THAP4: variants seen among roughly 807,000 people sequenced by gnomAD.
THAP4 encodes the protein peroxynitrite isomerase THAP4.
THAP4 carries 18 observed loss-of-function variants against 48.1 expected under a neutral mutation model. The observed-to-expected ratio is 0.37, with a 90% CI of 0.26 to 0.56. THAP4 has a LOEUF of 0.56. Among genes scored for constraint, THAP4 ranks in the 20% least tolerant of loss-of-function variants. The probability of loss-of-function intolerance (pLI) is 0.78; values close to 1 mark genes in which losing one functional copy is unlikely to be tolerated. For missense variants in THAP4, 656 were observed against 774.9 expected (o/e 0.85, Z 1.82); for synonymous variants, 345 against 324.9 (o/e 1.06, Z -0.66).
At chr2:241,624,180 C>T (rs993095374) in intron 2 of THAP4, among the ~76,000 whole-genome samples, 24 of 152,168 alleles carry the variant, frequency 1.6e-4, no homozygotes, top group African/African-American at 5.6e-4. Flanking sequence ...CAATTTATTA[C>T]AAAGGATATT....
chr2:241,587,855 C>T (rs1397596820), intron 5 of THAP4, among the ~76,000 whole-genome samples: 1 of 151,714 alleles, frequency 6.6e-6, no homozygotes, highest in African/African-American at 2.4e-5. Context: ...GTGGGGGTTG[C>T]AGTGAGCCAA....
Position 241,634,093 on chromosome 2 carries a change from G to A in THAP4, c.78-14C>T. Reference sequence around the variant, plus strand: ...TTTAGGGGGAACCTACAGGACAAATGACAAAAAGTAATTAGAAATAATTAA... The same window carrying A: ...TTTAGGGGGAACCTACAGGACAAATAACAAAAAGTAATTAGAAATAATTAA... On this transcript the variant is annotated splice_polypyrimidine_tract_variant and intron_variant, in intron 1 of 5. Transcript: ENST00000407315. The A allele has an allele frequency of 1.3e-6, 2 of 1,506,082 alleles. No individual in the cohort carries two copies. The highest frequency in any genetic ancestry group is 2.6e-5 in the South Asian group (2 of 76,940). 93.3% of individuals were successfully genotyped at this position (1,506,082 alleles called of 1,614,324 possible).
intron 2 of THAP4, among the ~76,000 whole-genome samples, chr2:241,625,730 G>A (rs1338902702): frequency 7.1e-6 from 1 of 140,568 alleles, no homozygotes; most frequent in East Asian, 2.1e-4. Context: ...CCCGGGAGGT[G>A]GTTTTTGCAG....
intron 2 of THAP4, among the ~76,000 whole-genome samples, chr2:241,626,092 C>A (rs2067493495): frequency 6.6e-6 from 1 of 152,130 alleles, no homozygotes; most frequent in Non-Finnish European, 1.5e-5. Flanking sequence ...ACATCCCATT[C>A]ATGATAACAG....
intron 5 of THAP4, among the ~76,000 whole-genome samples, chr2:241,593,243 T>TA (rs1271099816): frequency 2.6e-5 from 4 of 151,402 alleles, no homozygotes; most frequent in Non-Finnish European, 1.5e-5. Context: ...AGGCTCTGTC[T>TA]AAAAAAAAGT....
Position 241,612,447 on chromosome 2 carries a change from C to T in THAP4, c.1241-5974G>A, listed in dbSNP as rs763228556. On this transcript the variant is annotated intron_variant, in intron 2 of 5. Transcript: ENST00000407315. The surrounding 1 kb of genome is among the most constrained non-coding windows in gnomAD (Gnocchi z 4.1). ...ACATGCACTCCCAGCAGAAATGACA[C>T]ACCTGTCCCCACAGGACGCTGCCCA... Among the ~76,000 whole-genome samples the T allele has an allele frequency of 2.0e-5, 3 of 152,198 alleles. No homozygotes were observed. Among genetic ancestry groups the T allele is most frequent in the Non-Finnish European group, 4.4e-5 (3 of 68,030 alleles).
At chr2:241,595,681 C>T (rs757368942) in intron 5 of THAP4, among the ~76,000 whole-genome samples, 10 of 151,790 alleles carry the variant, frequency 6.6e-5, no homozygotes, top group Non-Finnish European at 1.0e-4. Context: ...TGCTGAGTGA[C>T]AGGTATATGG....
intron 5 of THAP4, among the ~76,000 whole-genome samples, chr2:241,596,916 T>C (rs2067056036): frequency 6.6e-6 from 1 of 152,192 alleles, no homozygotes; most frequent in Non-Finnish European, 1.5e-5. Flanking sequence ...GATGGGTGAA[T>C]GTGAAGGTCT....
At chr2:241,591,509 T>C (rs1174606151) in intron 5 of THAP4, among the ~76,000 whole-genome samples, 1 of 152,128 alleles carries the variant, frequency 6.6e-6, no homozygotes, top group African/African-American at 2.4e-5. Flanking sequence ...ATGAAGACAG[T>C]GTGGTATTGG....
intron 2 of THAP4, 151 bp from the exon 3 acceptor site, chr2:241,606,624 C>T: frequency 1.4e-6 from 1 of 731,762 alleles, no homozygotes; most frequent in Non-Finnish European, 2.1e-6. Context: ...AATGGTCAAG[C>T]AACTGTAAAT....
intron 5 of THAP4, among the ~76,000 whole-genome samples, chr2:241,590,499 T>C (rs1575016559): frequency 6.8e-6 from 1 of 147,488 alleles, no homozygotes; most frequent in Non-Finnish European, 1.5e-5. Context: ...CGGCTGATGA[T>C]AATGGGCACT....
At position 241,616,217 on chromosome 2, in the gene THAP4, C is replaced by T. The variant is rs1158504370; in HGVS notation, c.1241-9744G>A. ...ACGTGGCCCGGGCTTTCTGCCTCGA[C>T]GACTAGCCCAAGGGAGATGGAAATG... On this transcript the variant is annotated intron_variant, in intron 2 of 5. Transcript: ENST00000407315. The surrounding 1 kb of genome is among the most constrained non-coding windows in gnomAD (Gnocchi z 4.6). Among the ~76,000 whole-genome samples, 15 of 152,236 alleles carry T rather than the reference C, an allele frequency of 9.9e-5. No homozygotes were observed. Among genetic ancestry groups the T allele is most frequent in the Non-Finnish European group, 1.8e-4 (12 of 68,010 alleles).
At chr2:241,630,294 C>T (rs1390770144) in intron 2 of THAP4, among the ~76,000 whole-genome samples, 1 of 152,138 alleles carries the variant, frequency 6.6e-6, no homozygotes, top group Non-Finnish European at 1.5e-5. Flanking sequence ...GAGCCACAGC[C>T]TCCATTGCAG....
chr2:241,590,001 C>T (rs1254317841), intron 5 of THAP4, among the ~76,000 whole-genome samples: 2 of 151,710 alleles, frequency 1.3e-5, no homozygotes, highest in Non-Finnish European at 2.9e-5. Context: ...CGATGATGGG[C>T]ACTAGGACAC....
At chr2:241,614,623 C>T (rs913979252) in intron 2 of THAP4, among the ~76,000 whole-genome samples, 2 of 152,158 alleles carry the variant, frequency 1.3e-5, no homozygotes, top group African/African-American at 4.8e-5. Context: ...CAGTGGCTCA[C>T]GACTGTAATC....
At chr2:241,636,157 T>C (rs2067647167) in intron 1 of THAP4, among the ~76,000 whole-genome samples, 1 of 152,238 alleles carries the variant, frequency 6.6e-6, no homozygotes, top group Non-Finnish European at 1.5e-5. Flanking sequence ...ATTGTAATGA[T>C]TTAAGACTTA....
chr2:241,606,611 G>A, intron 2 of THAP4, 138 bp from the exon 3 acceptor site: 1 of 816,660 alleles, frequency 1.2e-6, no homozygotes, highest in Non-Finnish European at 1.8e-6. Context: ...AAGAGCGGGA[G>A]AAAATGGTCA....
intron 1 of THAP4, among the ~76,000 whole-genome samples, chr2:241,635,526 G>A (rs1389914857): frequency 1.3e-5 from 2 of 152,146 alleles, no homozygotes; most frequent in Non-Finnish European, 1.5e-5. Flanking sequence ...AGGCCGAGGC[G>A]GGTGGATCAC....
chr2:241,586,548 A>C (rs2066898860), intron 5 of THAP4, among the ~76,000 whole-genome samples: 1 of 152,178 alleles, frequency 6.6e-6, no homozygotes, highest in Admixed American at 6.5e-5. Flanking sequence ...CTAGGAGATA[A>C]GATCAAAAGA....
Sources: gnomAD v4.1 joint callset for allele counts (sites outside exome capture counted in the v4.1 genomes callset) on GRCh38, gnomAD v4.1.1 for gene constraint, Gnocchi (gnomAD v3.1) non-coding constraint, MANE v1.5 for transcripts, NCBI Gene and HGNC (gene_info 2026-07-23, HGNC 2026-07-21) for gene names.